The following PUS10 variants were observed in gnomAD, a reference collection of about 807,000 sequenced individuals.
PUS10 encodes tRNA pseudouridine synthase Pus10.
A neutral mutation model predicts 75.0 loss-of-function variants in PUS10; 59 were observed. The observed-to-expected ratio is 0.79, with a 90% CI of 0.64 to 0.98. The LOEUF (loss-of-function observed/expected upper bound fraction) is 0.98, where lower values mean the gene tolerates loss of function less well. Among genes scored for constraint, PUS10 ranks in the 50% least tolerant of loss-of-function variants. PUS10 has a pLI of 0.00. For missense variants in PUS10, 650 were observed against 614.4 expected, an observed-to-expected ratio of 1.06 and a Z score of -0.61; for synonymous variants, 219 against 211.6, an observed-to-expected ratio of 1.03 and a Z score of -0.30.
intron 16 of PUS10, among the ~76,000 whole-genome samples, chr2:60,947,828 C>CAAAAAAAAAA (rs890632119): frequency 1.2e-3 from 53 of 45,088 alleles, no homozygotes; most frequent in Non-Finnish European, 1.5e-3. Flanking sequence ...GACTCTGCCT[C>CAAAAAAAAAA]AAAAAAAAAA....
intron 16 of PUS10, among the ~76,000 whole-genome samples, chr2:60,945,863 T>C (rs1044138990): frequency 1.1e-4 from 16 of 152,214 alleles, no homozygotes; most frequent in African/African-American, 3.9e-4. Flanking sequence ...TTTGCCAGAA[T>C]TTGGTAAAAA....
At chr2:60,974,534 G>C (rs1038884729) in intron 4 of PUS10, among the ~76,000 whole-genome samples, 4 of 152,048 alleles carry the variant, frequency 2.6e-5, no homozygotes, top group African/African-American at 9.7e-5. Context: ...CGGGGGACGA[G>C]AAGGAGAGAA....
chr2:60,960,560 T>A (rs1675965744), intron 10 of PUS10, 43 bp from the exon 11 acceptor site: 1 of 1,525,572 alleles, frequency 6.6e-7, no homozygotes, highest in Non-Finnish European at 8.7e-7. Flanking sequence ...AATGGAGTAA[T>A]TAACATGGTA....
At chr2:60,992,314 C>G (rs903861147) in intron 4 of PUS10, among the ~76,000 whole-genome samples, 4 of 152,074 alleles carry the variant, frequency 2.6e-5, no homozygotes, top group Non-Finnish European at 5.9e-5. Context: ...CTATACGCAG[C>G]CAGAAGTACC....
chr2:60,990,303 C>G (rs1300242362), intron 4 of PUS10, among the ~76,000 whole-genome samples: 2 of 151,964 alleles, frequency 1.3e-5, no homozygotes, highest in African/African-American at 2.4e-5. Flanking sequence ...ACTAGAAAAG[C>G]TGGACAACTA....
rs768973444 is a variant in PUS10, at chr2:60,948,140, T to G, written c.1354A>C (p.Arg452=). The G allele has an allele frequency of 5.6e-6, 9 of 1,614,116 alleles. No individual in the cohort carries two copies. In the South Asian group the frequency reaches 9.9e-5, roughly 18 times the overall value. The change falls in exon 16 of 18, where the codon AGG becomes CGG. Residue 452 remains arginine, a synonymous_variant. Coordinates refer to ENST00000316752, the MANE Select transcript of PUS10 (RefSeq NM_144709.4). ...ACGCGAGCTCGCACAGCCAGGGGCC[T>G]TCGGTGAAGGACGCGCAAAGGTGTT... is the stretch of plus-strand genomic sequence containing the variant. ...QKTPLRVLHR[R]PLAVRARVIH...
chr2:60,999,801 G>T (rs1573498883), intron 4 of PUS10, among the ~76,000 whole-genome samples: 1 of 152,052 alleles, frequency 6.6e-6, no homozygotes, highest in Non-Finnish European at 1.5e-5. Flanking sequence ...ATCAACCCTG[G>T]ATAGAAAACA....
At chr2:60,953,445 G>A (rs777910260) in intron 14 of PUS10, among the ~76,000 whole-genome samples, 4 of 152,128 alleles carry the variant, frequency 2.6e-5, no homozygotes, top group South Asian at 2.1e-4. Flanking sequence ...CATACAGTAC[G>A]TGGTGCTTGG....
Position 60,953,931 on chromosome 2 carries a change from A to G in PUS10, c.1190+2T>C, listed in dbSNP as rs1675495875. 6.2e-7 allele frequency: 1 copy of G among 1,613,452 alleles called. No homozygotes were observed. The highest frequency in any genetic ancestry group is 1.7e-5 in the Admixed American group (1 of 60,026). ...AATCATCTCCAATGAGCCTACTCTT[A>G]CCTTGTGACAAGCTGCAAGTCACGT... On this transcript the variant is annotated splice_donor_variant, in intron 14 of 17. Transcript: ENST00000316752. LOFTEE classifies it high-confidence loss of function.
chr2:61,008,719 T>C, intron 3 of PUS10, 42 bp downstream of exon 3: 4 of 1,405,310 alleles, frequency 2.8e-6, no homozygotes, highest in Non-Finnish European at 3.9e-6. Flanking sequence ...AGACTGAAAA[T>C]CTCTACATAA....
intron 8 of PUS10, among the ~76,000 whole-genome samples, chr2:60,964,256 T>C (rs1462586413): frequency 1.3e-5 from 2 of 152,260 alleles, no homozygotes; most frequent in African/African-American, 2.4e-5. Context: ...TACAAACTTC[T>C]TTCCCCCAGT....
At chr2:61,002,319 C>G (rs1040417853) in intron 4 of PUS10, among the ~76,000 whole-genome samples, 1 of 152,132 alleles carries the variant, frequency 6.6e-6, no homozygotes, top group Non-Finnish European at 1.5e-5. Context: ...CATCATGTGC[C>G]GAAACACTGG....
In PUS10 at chr2:61,018,068, T is replaced by C. The variant is rs1680132772; in HGVS notation, c.-76A>G. 6.7e-7 allele frequency: 1 copy of C among 1,502,506 alleles called. No homozygotes were observed. The allele number at this position is 1,502,506 out of a possible 1,614,324, so 93.1% of individuals were successfully genotyped here. On this transcript the variant is annotated 5_prime_UTR_variant, in exon 1 of 18. Coordinates refer to ENST00000316752, the MANE Select transcript of PUS10 (RefSeq NM_144709.4). ...CCCGGCAGCTCTAATCAGCAACGTT[T>C]TTTTCGGGAGCTCCTGGGCGTCTCT...
At chr2:60,986,536 T>C (rs1360488690) in intron 4 of PUS10, among the ~76,000 whole-genome samples, 2 of 152,212 alleles carry the variant, frequency 1.3e-5, no homozygotes, top group Non-Finnish European at 2.9e-5. Flanking sequence ...CTAAACTTAG[T>C]GAATTTTGCA....
At chr2:60,958,604 C>G (rs1346155973) in intron 11 of PUS10, among the ~76,000 whole-genome samples, 1 of 152,158 alleles carries the variant, frequency 6.6e-6, no homozygotes, top group Non-Finnish European at 1.5e-5. Context: ...GGTTTTCTGG[C>G]TGAGTGTGGT....
At chr2:60,998,244 C>G (rs538252221) in intron 4 of PUS10, among the ~76,000 whole-genome samples, 8 of 152,274 alleles carry the variant, frequency 5.3e-5, no homozygotes, top group African/African-American at 1.9e-4. Flanking sequence ...TCTGTAAACA[C>G]ATACAAAATT....
At chr2:60,967,293 A>T (rs1473671888) in intron 6 of PUS10, 1 of 414,840 alleles carries the variant, frequency 2.4e-6, no homozygotes, top group Non-Finnish European at 4.3e-6. Context: ...TAAGTGTCTT[A>T]GATCATAAAG....
chr2:60,996,331 A>C (rs1678456788), intron 4 of PUS10, among the ~76,000 whole-genome samples: 1 of 152,114 alleles, frequency 6.6e-6, no homozygotes, highest in Admixed American at 6.5e-5. Context: ...ATCACATGTC[A>C]CTCACTCTTT....
intron 4 of PUS10, among the ~76,000 whole-genome samples, chr2:60,981,746 A>C (rs994531797): frequency 2.0e-5 from 3 of 152,188 alleles, no homozygotes; most frequent in African/African-American, 7.2e-5. Flanking sequence ...TATACATCTT[A>C]ATAGGAGATA....
Sources: gnomAD v4.1 joint callset for allele counts (sites outside exome capture counted in the v4.1 genomes callset) on GRCh38, gnomAD v4.1.1 for gene constraint, MANE v1.5 for transcripts, NCBI Gene and HGNC (gene_info 2026-07-23, HGNC 2026-07-21) for gene names.